Variants in MDM4 observed in about 807,000 individuals in gnomAD.
MDM4 encodes the protein protein Mdm4.
MDM4 carries 2 observed loss-of-function variants against 60.2 expected under a neutral mutation model. That is an observed-to-expected ratio of 0.03 (90% CI 0.01 to 0.10). MDM4 has a LOEUF of 0.10. Ranked by LOEUF, MDM4 falls within the 10% of genes least tolerant of loss-of-function variation. The pLI, the probability that MDM4 is intolerant of heterozygous loss-of-function variation, is 1.00. For missense variants in MDM4, 447 were observed against 577.5 expected (o/e 0.77, Z 2.32); for synonymous variants, 202 against 198.1 (o/e 1.02, Z -0.17).
At chr1:204,543,349 A>G (rs190325623) in intron 8 of MDM4, among the ~76,000 whole-genome samples, 1 of 152,344 alleles carries the variant, frequency 6.6e-6, no homozygotes, top group Admixed American at 6.5e-5. Flanking sequence ...AAAAAATTAA[A>G]AATTAGCCAG....
chr1:204,534,694 G>A (rs1198379438), intron 5 of MDM4, among the ~76,000 whole-genome samples: 1 of 152,036 alleles, frequency 6.6e-6, no homozygotes, highest in Non-Finnish European at 1.5e-5. Flanking sequence ...TTTTCTGCTT[G>A]TTGCTTAGGC....
At chr1:204,523,501 T>TTTTG (rs1659791860) in intron 1 of MDM4, among the ~76,000 whole-genome samples, 4 of 117,422 alleles carry the variant, frequency 3.4e-5, no homozygotes, top group East Asian at 2.9e-4. Flanking sequence ...TTTTTTTTTT[T>TTTTG]GCGACAGGGT....
In MDM4 at chr1:204,530,690, C is replaced by T. The variant is rs746990526; in HGVS notation, c.160C>T (p.His54Tyr). ...GGTATTTTATTCCATGCAGGTCATGCACTATTTAGGTCAGTACATAATGGT... is the reference window on the plus strand; with the variant it reads ...GGTATTTTATTCCATGCAGGTCATGTACTATTTAGGTCAGTACATAATGGT... The part of the protein sequence containing the change: ...GEMFTVKEVM[H>Y]YLGQYIMVKQ... Residue 54 changes from histidine (H) to tyrosine (Y), a missense_variant, in exon 4 of 11, where the codon CAC (histidine) becomes TAC (tyrosine). Coordinates refer to ENST00000367182, the MANE Select transcript of MDM4 (RefSeq NM_002393.5). 21 of 1,614,130 alleles carry T rather than the reference C, an allele frequency of 1.3e-5. No individual in the cohort carries two copies. Among genetic ancestry groups the T allele is most frequent in the Non-Finnish European group, 1.6e-5 (19 of 1,180,014 alleles).
intron 5 of MDM4, 189 bp downstream of exon 5, chr1:204,532,435 A>G: frequency 1.7e-6 from 1 of 575,474 alleles, no homozygotes; most frequent in Non-Finnish European, 3.1e-6. Flanking sequence ...CATAGAGTAG[A>G]AGGATTTCCA....
intron 7 of MDM4, 86 bp from the exon 8 acceptor site, chr1:204,542,698 T>C: frequency 7.0e-6 from 7 of 1,005,058 alleles, no homozygotes; most frequent in Non-Finnish European, 9.9e-6. Flanking sequence ...TTACCTATTT[T>C]ATAAAGAAGT....
chr1:204,527,142 A>G (rs917490605), intron 3 of MDM4, among the ~76,000 whole-genome samples: 13 of 151,636 alleles, frequency 8.6e-5, no homozygotes, highest in Non-Finnish European at 1.5e-4. Context: ...AAAAAAAAAA[A>G]AAAATACAAA....
intron 7 of MDM4, among the ~76,000 whole-genome samples, chr1:204,541,995 G>A (rs1272613039): frequency 1.3e-5 from 2 of 152,172 alleles, no homozygotes; most frequent in Admixed American, 6.5e-5. Context: ...TGGAGTATGG[G>A]AAAGAAAAGA....
chr1:204,520,769 A>G (rs896522578), intron 1 of MDM4, among the ~76,000 whole-genome samples: 7 of 152,176 alleles, frequency 4.6e-5, no homozygotes, highest in African/African-American at 1.4e-4. Flanking sequence ...CCAGATAATC[A>G]GGAGACTGAG....
intron 7 of MDM4, among the ~76,000 whole-genome samples, chr1:204,542,120 C>T (rs1010471836): frequency 1.3e-5 from 2 of 152,146 alleles, no homozygotes; most frequent in Non-Finnish European, 2.9e-5. Flanking sequence ...TGTGGTATGT[C>T]TAGATACTTA....
intron 10 of MDM4, among the ~76,000 whole-genome samples, chr1:204,547,789 T>G (rs947633384): frequency 1.3e-5 from 2 of 152,270 alleles, no homozygotes; most frequent in African/African-American, 4.8e-5. Context: ...AATGGCATAA[T>G]CTCGGCTCAC....
At chr1:204,532,837 T>G (rs1661008109) in intron 5 of MDM4, 1 of 1,610,254 alleles carries the variant, frequency 6.2e-7, no homozygotes. Context: ...TGTGATTTTG[T>G]TTAATGTGTT....
intron 1 of MDM4, chr1:204,525,262 C>T (rs1344392980): frequency 1.1e-6 from 1 of 901,664 alleles, no homozygotes; most frequent in African/African-American, 1.8e-5. Context: ...TTTCAGCCTT[C>T]ACCTGAGAGA....
intron 1 of MDM4, among the ~76,000 whole-genome samples, chr1:204,523,271 C>A (rs1191734315): frequency 2.0e-5 from 3 of 148,650 alleles, no homozygotes; most frequent in Admixed American, 1.3e-4. Context: ...AGATCAAGAC[C>A]ATCCTGGCTA....
Position 204,553,243 on chromosome 1 carries a change from A to G in MDM4, c.*3561A>G, listed in dbSNP as rs1461393598. ...ACTGCGGTACAGATTTTTTTTACTC[A>G]CTGCCACTAAACTAAAGCAAGGCAT... On this transcript the variant is annotated 3_prime_UTR_variant, in exon 11 of 11. Transcript: ENST00000367182. 1 of 194,524 alleles carries G rather than the reference A, an allele frequency of 5.1e-6. No individual in the cohort carries two copies. Among genetic ancestry groups the G allele is most frequent in the Non-Finnish European group, 1.1e-5 (1 of 93,446 alleles). The allele number at this position is 194,524 out of a possible 1,614,324, so 12.0% of individuals were successfully genotyped here.
chr1:204,551,676 A>G lies in MDM4; in HGVS notation c.*1994A>G. On this transcript the variant is annotated 3_prime_UTR_variant, in exon 11 of 11. Transcript: ENST00000367182. ...AAAATGTTGGTGTGTTCTCAAGGGTATGCATGTGTCATTTTGAAGACCAAG... is the reference window on the plus strand; with the variant it reads ...AAAATGTTGGTGTGTTCTCAAGGGTGTGCATGTGTCATTTTGAAGACCAAG... 4.3e-6 allele frequency: 1 copy of G among 231,098 alleles called. No individual in the cohort carries two copies. The highest frequency in any genetic ancestry group is 8.6e-6 in the Non-Finnish European group (1 of 116,860). 14.3% of individuals were successfully genotyped at this position (231,098 alleles called of 1,614,324 possible).
At chr1:204,538,444 G>C in intron 7 of MDM4, 136 bp downstream of exon 7, 1 of 610,084 alleles carries the variant, frequency 1.6e-6, no homozygotes, top group African/African-American at 1.9e-5. Flanking sequence ...CTTTTTATCA[G>C]CCTAGTTACT....
chr1:204,537,700 A>T (rs531845270), intron 6 of MDM4, among the ~76,000 whole-genome samples: 2 of 152,130 alleles, frequency 1.3e-5, no homozygotes, highest in South Asian at 4.2e-4. Context: ...TTTCTTTGGG[A>T]TGTAGCACTT....
At chr1:204,535,013 C>G (rs1189219891) in intron 5 of MDM4, among the ~76,000 whole-genome samples, 1 of 152,066 alleles carries the variant, frequency 6.6e-6, no homozygotes, top group Non-Finnish European at 1.5e-5. Context: ...ATGGCCATCT[C>G]TGTTGATTTT....
chr1:204,542,971 G>GC, intron 8 of MDM4, 27 bp downstream of exon 8: 2 of 1,580,898 alleles, frequency 1.3e-6, no homozygotes, highest in Non-Finnish European at 1.7e-6. Flanking sequence ...AAGGGAAGTG[G>GC]TTTTTTTTCT....
Sources: gnomAD v4.1 joint callset for allele counts (sites outside exome capture counted in the v4.1 genomes callset) on GRCh38, gnomAD v4.1.1 for gene constraint, MANE v1.5 for transcripts, NCBI Gene and HGNC (gene_info 2026-07-23, HGNC 2026-07-21) for gene names.